Variants in GALNTL6 observed in about 807,000 individuals in gnomAD.
The protein encoded by GALNTL6 is polypeptide N-acetylgalactosaminyltransferase-like 6.
GALNTL6 carries 46 observed loss-of-function variants against 73.7 expected under a neutral mutation model. The observed-to-expected ratio is 0.62, with a 90% CI of 0.49 to 0.80. The LOEUF is 0.80. Among genes scored for constraint, GALNTL6 ranks in the 30% least tolerant of loss-of-function variants. The pLI is 0.00. For missense variants in GALNTL6, 604 were observed against 755.0 expected, an observed-to-expected ratio of 0.80 and a Z score of 2.34; for synonymous variants, 259 against 263.7, an observed-to-expected ratio of 0.98 and a Z score of 0.17.
intron 2 of GALNTL6, among the ~76,000 whole-genome samples, chr4:171,946,870 G>A (rs1452617100): frequency 6.6e-6 from 1 of 151,542 alleles, no homozygotes; most frequent in Non-Finnish European, 1.5e-5. Flanking sequence ...GTAGGGCAGA[G>A]ACAAGAAGAC....
At chr4:171,847,661 A>C (rs1735410083) in intron 2 of GALNTL6, among the ~76,000 whole-genome samples, 2 of 152,212 alleles carry the variant, frequency 1.3e-5, no homozygotes, top group African/African-American at 2.4e-5. Context: ...CTGATATTTC[A>C]ACAATGTTCA....
At chr4:171,971,017 G>C (rs1179471898) in intron 2 of GALNTL6, among the ~76,000 whole-genome samples, 2 of 152,032 alleles carry the variant, frequency 1.3e-5, no homozygotes, top group African/African-American at 4.8e-5. Flanking sequence ...TTGAACTGAG[G>C]GCCAAAACAT....
intron 4 of GALNTL6, among the ~76,000 whole-genome samples, chr4:172,330,802 A>G (rs2111181178): frequency 6.6e-6 from 1 of 152,232 alleles, no homozygotes; most frequent in African/African-American, 2.4e-5. Flanking sequence ...CACTTTAAGT[A>G]CATATATATT....
At chr4:172,495,699 A>G (rs74603778) in intron 5 of GALNTL6, among the ~76,000 whole-genome samples, 5 of 152,306 alleles carry the variant, frequency 3.3e-5, no homozygotes, top group Non-Finnish European at 5.9e-5. Context: ...ATCAATGTGT[A>G]GATGGGAGTC....
chr4:171,985,016 A>G (rs1400912004), intron 2 of GALNTL6, among the ~76,000 whole-genome samples: 1 of 151,970 alleles, frequency 6.6e-6, no homozygotes, highest in Non-Finnish European at 1.5e-5. Flanking sequence ...AAGAAAAGAA[A>G]ACCCAACTTC....
At chr4:171,906,161 A>C (rs1293230061) in intron 2 of GALNTL6, among the ~76,000 whole-genome samples, 1 of 150,324 alleles carries the variant, frequency 6.7e-6, no homozygotes, top group African/African-American at 2.4e-5. Flanking sequence ...AACTGAAGGA[A>C]ATAGAGACAC....
At chr4:172,571,190 T>C (rs1249062950) in intron 5 of GALNTL6, among the ~76,000 whole-genome samples, 1 of 152,142 alleles carries the variant, frequency 6.6e-6, no homozygotes, top group Non-Finnish European at 1.5e-5. Flanking sequence ...CTAACACAGA[T>C]CAATAATAGA....
chr4:172,381,047 T>C (rs1508257), intron 5 of GALNTL6, among the ~76,000 whole-genome samples: 122,914 of 152,154 alleles, frequency 0.81, 50,529 homozygotes, highest in Non-Finnish European at 0.88. Flanking sequence ...AGGCAAGCTT[T>C]ATGAATTCCT....
chr4:171,982,595 A>G lies in GALNTL6; in HGVS notation c.138+167877A>G, dbSNP rs146316014. On this transcript the variant is annotated intron_variant, in intron 2 of 12. Coordinates refer to ENST00000506823, the MANE Select transcript of GALNTL6 (RefSeq NM_001034845.3). ...TTACAAGCATGAGCCACCGCGCCCG[A>G]CCGAAAGTACTTTCGTTTGCTTCTT... Among the ~76,000 whole-genome samples, 1,448 of 152,126 alleles carry G rather than the reference A, an allele frequency of 9.5e-3. 30 individuals carry two copies. Among genetic ancestry groups the G allele is most frequent in the African/African-American group, 0.032 (1,345 of 41,494 alleles).
intron 5 of GALNTL6, among the ~76,000 whole-genome samples, chr4:172,579,066 C>T (rs1737066327): frequency 6.6e-6 from 1 of 152,158 alleles, no homozygotes; most frequent in Admixed American, 6.5e-5. Flanking sequence ...CTGGCATCTT[C>T]CCAGAGACAT....
At chr4:172,807,748 G>C (rs1388673768) in intron 5 of GALNTL6, among the ~76,000 whole-genome samples, 4 of 152,202 alleles carry the variant, frequency 2.6e-5, no homozygotes, top group Non-Finnish European at 4.4e-5. Flanking sequence ...CTTACATGAA[G>C]AACAAAATAG....
intron 5 of GALNTL6, among the ~76,000 whole-genome samples, chr4:172,762,610 T>C (rs1738175276): frequency 6.6e-6 from 1 of 152,192 alleles, no homozygotes; most frequent in African/African-American, 2.4e-5. Context: ...GAATTTTCTT[T>C]AACATGATAT....
chr4:172,042,588 T>C (rs1310881138), intron 2 of GALNTL6, among the ~76,000 whole-genome samples: 1 of 152,032 alleles, frequency 6.6e-6, no homozygotes, highest in Non-Finnish European at 1.5e-5. Context: ...TCTATTTAGT[T>C]TCACAAGCGA....
chr4:171,982,694 G>C (rs1233580518), intron 2 of GALNTL6, among the ~76,000 whole-genome samples: 1 of 152,118 alleles, frequency 6.6e-6, no homozygotes, highest in Non-Finnish European at 1.5e-5. Flanking sequence ...AAGGATAATT[G>C]ATAGATTTCA....
rs143217410 is a variant in GALNTL6 at position 171,959,587 on chromosome 4, A to G, written c.138+144869A>G. Among the ~76,000 whole-genome samples, 278 of 151,368 alleles carry G rather than the reference A, an allele frequency of 1.8e-3. 2 individuals are homozygous for G. Among genetic ancestry groups the G allele is most frequent in the Admixed American group, 0.012 (183 of 15,204 alleles). On this transcript the variant is annotated intron_variant, in intron 2 of 12. Transcript: ENST00000506823. ...TACTCAGAGCTGAGCATAGTGGCACATGTCTGTGGTCCCAGCTACTCAGGA... is the reference window on the plus strand; with the variant it reads ...TACTCAGAGCTGAGCATAGTGGCACGTGTCTGTGGTCCCAGCTACTCAGGA...
chr4:172,652,035 C>G (rs1409614700), intron 5 of GALNTL6, among the ~76,000 whole-genome samples: 1 of 152,160 alleles, frequency 6.6e-6, no homozygotes, highest in Non-Finnish European at 1.5e-5. Context: ...AACTGTAATA[C>G]AGAGCTGCTA....
chr4:172,239,296 T>C (rs1157150502), intron 3 of GALNTL6, among the ~76,000 whole-genome samples: 2 of 152,188 alleles, frequency 1.3e-5, no homozygotes, highest in Non-Finnish European at 2.9e-5. Context: ...TATTCATGAT[T>C]TGAATTTATT....
chr4:171,963,442 A>G (rs976151496), intron 2 of GALNTL6, among the ~76,000 whole-genome samples: 2 of 147,520 alleles, frequency 1.4e-5, no homozygotes, highest in African/African-American at 5.0e-5. Flanking sequence ...GAATTTGCTT[A>G]AAGAGTGGAA....
chr4:172,139,755 C>A (rs1334932427), intron 2 of GALNTL6, among the ~76,000 whole-genome samples: 8 of 152,276 alleles, frequency 5.3e-5, no homozygotes, highest in African/African-American at 1.9e-4. Context: ...TAGATCATGT[C>A]CCCCTCACGG....
Sources: allele counts gnomAD v4.1 joint callset (sites outside exome capture counted in the v4.1 genomes callset), GRCh38; gene constraint gnomAD v4.1.1; transcripts MANE v1.5; gene names NCBI Gene and HGNC (gene_info 2026-07-23, HGNC 2026-07-21).